Variants in TAFA2 observed in about 807,000 individuals in gnomAD.
The protein encoded by TAFA2 is TAFA chemokine like family member 2.
A neutral mutation model predicts 18.8 loss-of-function variants in TAFA2; 7 were observed. The observed-to-expected ratio is 0.37, with a 90% confidence interval of 0.21 to 0.70. The LOEUF (loss-of-function observed/expected upper bound fraction) is 0.70, where lower values mean the gene tolerates loss of function less well. Among genes scored for constraint, TAFA2 ranks in the 30% least tolerant of loss-of-function variants. TAFA2 has a pLI of 0.53. For synonymous variants in TAFA2, 60 were observed against 54.2 expected, an observed-to-expected ratio of 1.11 and a Z score of -0.47; for missense variants, 122 against 158.1, an observed-to-expected ratio of 0.77 and a Z score of 1.23.
chr12:62,049,862 G>A (rs982030616), intron 1 of TAFA2, among the ~76,000 whole-genome samples: 1 of 152,188 alleles, frequency 6.6e-6, no homozygotes, highest in African/African-American at 2.4e-5. Context: ...TCTCTGAACT[G>A]AGCACATCAG....
In TAFA2 at chr12:61,786,991, G is replaced by A. The variant is rs574475696; in HGVS notation, c.107-31967C>T. Among the ~76,000 whole-genome samples, 7 of 151,474 alleles carry A rather than the reference G, an allele frequency of 4.6e-5. No homozygotes were observed. In the East Asian group the frequency reaches 7.8e-4, roughly 17 times the overall value. The stretch of plus-strand genomic sequence containing the variant: ...ATGGGACTAATAGAAAACAAATAGC[G>A]AGATTAGTGATTTAAACTTAACCGC... On this transcript the variant is annotated intron_variant, in intron 2 of 4. Coordinates refer to ENST00000416284, the MANE Select transcript of TAFA2 (RefSeq NM_178539.5).
chr12:61,914,063 G>A (rs1876719887), intron 1 of TAFA2, among the ~76,000 whole-genome samples: 1 of 152,150 alleles, frequency 6.6e-6, no homozygotes, highest in South Asian at 2.1e-4. Context: ...AACCCAGGGT[G>A]CTTAACTTTG....
intron 1 of TAFA2, among the ~76,000 whole-genome samples, chr12:62,071,281 G>A (rs3886209): frequency 0.026 from 3,935 of 152,212 alleles, 148 homozygotes; most frequent in African/African-American, 0.082. Flanking sequence ...TCTCGGACCC[G>A]GGAAGGTCAG....
intron 1 of TAFA2, among the ~76,000 whole-genome samples, chr12:62,165,939 T>TGACA (rs1555195378): frequency 2.2e-5 from 3 of 139,364 alleles, no homozygotes; most frequent in Non-Finnish European, 4.6e-5. Context: ...TCTCTCTCTC[T>TGACA]CACACACACA....
At chr12:61,771,246 A>C (rs989435481) in intron 2 of TAFA2, among the ~76,000 whole-genome samples, 1 of 151,892 alleles carries the variant, frequency 6.6e-6, no homozygotes, top group Admixed American at 6.6e-5. Context: ...CAAATTTATA[A>C]AACAATTACT....
chr12:61,847,634 A>G (rs1873461416), intron 2 of TAFA2, among the ~76,000 whole-genome samples: 1 of 152,236 alleles, frequency 6.6e-6, no homozygotes, highest in African/African-American at 2.4e-5. Context: ...TTCTTACAAA[A>G]GTTTGTCTAA....
At chr12:62,020,922 A>C (rs913294346) in intron 1 of TAFA2, among the ~76,000 whole-genome samples, 2 of 152,232 alleles carry the variant, frequency 1.3e-5, no homozygotes, top group African/African-American at 4.8e-5. Flanking sequence ...TTTATATAAA[A>C]TTTAAATTTT....
upstream of TAFA2, among the ~76,000 whole-genome samples, chr12:62,195,281 T>C (rs1175574759): frequency 6.6e-6 from 1 of 152,220 alleles, no homozygotes; most frequent in African/African-American, 2.4e-5. Flanking sequence ...TCAAAATCCT[T>C]TGTTGTCATT....
chr12:62,066,762 C>T (rs1400896249), intron 1 of TAFA2, among the ~76,000 whole-genome samples: 8 of 151,568 alleles, frequency 5.3e-5, no homozygotes, highest in African/African-American at 1.9e-4. Flanking sequence ...TTGAATAGTG[C>T]TGTAATAAAC....
At chr12:61,821,774 C>T (rs568452129) in intron 2 of TAFA2, among the ~76,000 whole-genome samples, 1 of 152,150 alleles carries the variant, frequency 6.6e-6, no homozygotes, top group Admixed American at 6.5e-5. Context: ...TCTGCTGTGC[C>T]TCAAAACTTG....
At chr12:62,158,029 C>T (rs1387997498) in intron 1 of TAFA2, among the ~76,000 whole-genome samples, 1 of 152,126 alleles carries the variant, frequency 6.6e-6, no homozygotes, top group Non-Finnish European at 1.5e-5. Context: ...ATTTCTCATT[C>T]TTATGTGACT....
intron 1 of TAFA2, among the ~76,000 whole-genome samples, chr12:61,998,611 G>T (rs1880279895): frequency 6.6e-6 from 1 of 152,136 alleles, no homozygotes; most frequent in African/African-American, 2.4e-5. Context: ...AAGCTCCAAG[G>T]AGTTAAATGT....
chr12:62,251,059 G>C (rs921641370), intron 1 of TAFA2, among the ~76,000 whole-genome samples: 1 of 152,106 alleles, frequency 6.6e-6, no homozygotes, highest in Non-Finnish European at 1.5e-5. Flanking sequence ...AGAAAAATTG[G>C]GCTGATTCAG....
At chr12:62,099,309 T>A (rs577564881) in intron 1 of TAFA2, among the ~76,000 whole-genome samples, 1 of 152,142 alleles carries the variant, frequency 6.6e-6, no homozygotes, top group Non-Finnish European at 1.5e-5. Flanking sequence ...ATCCGTACTA[T>A]ATTAAAAGAG....
intron 1 of TAFA2, among the ~76,000 whole-genome samples, chr12:62,066,443 C>T (rs1565733435): frequency 6.6e-6 from 1 of 151,776 alleles, no homozygotes; most frequent in Non-Finnish European, 1.5e-5. Flanking sequence ...TCCCCCACTT[C>T]CCCCCACCAC....
intron 1 of TAFA2, among the ~76,000 whole-genome samples, chr12:62,128,817 C>A (rs1158697106): frequency 6.6e-6 from 1 of 152,028 alleles, no homozygotes; most frequent in Non-Finnish European, 1.5e-5. Flanking sequence ...AACGTACTTC[C>A]GTGGATAAGA....
chr12:61,913,712 G>A (rs1876704017), intron 1 of TAFA2, among the ~76,000 whole-genome samples: 1 of 152,106 alleles, frequency 6.6e-6, no homozygotes. Context: ...GAAAATGAAT[G>A]GGGTCAGCAA....
At chr12:61,772,287 T>C (rs1870063157) in intron 2 of TAFA2, among the ~76,000 whole-genome samples, 1 of 151,932 alleles carries the variant, frequency 6.6e-6, no homozygotes, top group Non-Finnish European at 1.5e-5. Flanking sequence ...ACAGTTGAAT[T>C]CTATCAGACA....
At chr12:61,939,485 T>G (rs974771486) in intron 1 of TAFA2, among the ~76,000 whole-genome samples, 3 of 152,162 alleles carry the variant, frequency 2.0e-5, no homozygotes, top group African/African-American at 7.2e-5. Context: ...TCTAATAAAG[T>G]TATTCAACAT....
Sources: allele counts gnomAD v4.1 joint callset (sites outside exome capture counted in the v4.1 genomes callset), GRCh38; gene constraint gnomAD v4.1.1; transcripts MANE v1.5; gene names NCBI Gene and HGNC (gene_info 2026-07-23, HGNC 2026-07-21).